PRKCH: variants seen among roughly 807,000 people sequenced by gnomAD.
PRKCH encodes protein kinase C eta type.
Under a neutral mutation model 82.5 loss-of-function variants are expected in PRKCH, and 28 were observed. That is an observed-to-expected ratio of 0.34 (90% confidence interval 0.25 to 0.47). PRKCH has a LOEUF of 0.47. PRKCH is among the 20% of genes least tolerant of loss of function. The pLI, the probability that PRKCH is intolerant of heterozygous loss-of-function variation, is 1.00. For missense variants in PRKCH, 705 were observed against 881.8 expected (o/e 0.80, Z 2.54); for synonymous variants, 322 against 327.4 (o/e 0.98, Z 0.18).
intron 1 of PRKCH, chr14:61,278,975 T>TCACACACACACACACACACACACACACA (rs71117806): frequency 1.4e-5 from 2 of 140,240 alleles, no homozygotes; most frequent in Non-Finnish European, 3.1e-5. Context: ...CCCTTTCTAA[T>TCACACACACACACACACACACACACACA]CACACACACA....
At chr14:61,343,389 C>T (rs1214503153) in intron 1 of PRKCH, among the ~76,000 whole-genome samples, 1 of 134,248 alleles carries the variant, frequency 7.4e-6, no homozygotes, top group Non-Finnish European at 1.6e-5. Context: ...AAAACAGACA[C>T]TAGACTGGAT....
chr14:61,227,746 T>G (rs76770949), intron 1 of PRKCH, among the ~76,000 whole-genome samples: 1,686 of 152,138 alleles, frequency 0.011, 42 homozygotes, highest in East Asian at 0.1. Flanking sequence ...GCAAAAACCG[T>G]GATTATTTTT....
intron 1 of PRKCH, among the ~76,000 whole-genome samples, chr14:61,387,300 C>T (rs1004155139): frequency 1.3e-5 from 2 of 152,224 alleles, no homozygotes; most frequent in African/African-American, 4.8e-5. Context: ...AGTCAGTGCT[C>T]TGATCTGCTA....
chr14:61,451,964 G>T (rs1884529432), intron 6 of PRKCH, among the ~76,000 whole-genome samples: 1 of 152,214 alleles, frequency 6.6e-6, no homozygotes, highest in South Asian at 2.1e-4. Flanking sequence ...TGGATAACTT[G>T]TAGGGCGTTG....
At chr14:61,511,727 C>T (rs936759022) in intron 10 of PRKCH, among the ~76,000 whole-genome samples, 1 of 152,232 alleles carries the variant, frequency 6.6e-6, no homozygotes, top group Non-Finnish European at 1.5e-5. Context: ...GTCATTGCTG[C>T]TTCCTGGCGC....
intron 1 of PRKCH, among the ~76,000 whole-genome samples, chr14:61,356,055 C>A (rs1032356011): frequency 1.3e-5 from 2 of 152,122 alleles, no homozygotes; most frequent in African/African-American, 4.8e-5. Context: ...ATCCAGAGAA[C>A]CGGAAGAGCA....
At chr14:61,432,927 G>GT in intron 2 of PRKCH, among the ~76,000 whole-genome samples, 1 of 148,808 alleles carries the variant, frequency 6.7e-6, no homozygotes, top group African/African-American at 2.5e-5. Context: ...AAAAAAGTGG[G>GT]GGGGATACAT....
chr14:61,392,866 A>G (rs910101543), intron 2 of PRKCH, among the ~76,000 whole-genome samples: 1 of 151,006 alleles, frequency 6.6e-6, no homozygotes, highest in Non-Finnish European at 1.5e-5. Context: ...TAAGAAGCAA[A>G]TAGTTTTAGG....
chr14:61,546,384 T>A (rs2043258071), intron 12 of PRKCH, among the ~76,000 whole-genome samples: 1 of 152,220 alleles, frequency 6.6e-6, no homozygotes, highest in African/African-American at 2.4e-5. Context: ...TTAATTCCTG[T>A]TACTAGGAGA....
chr14:61,407,200 T>A (rs1191848461), intron 2 of PRKCH, among the ~76,000 whole-genome samples: 2 of 152,210 alleles, frequency 1.3e-5, no homozygotes, highest in Non-Finnish European at 2.9e-5. Context: ...ATTTAGTTTA[T>A]CTAAATCTTA....
intron 2 of PRKCH, among the ~76,000 whole-genome samples, chr14:61,400,104 T>G (rs1881530254): frequency 6.6e-6 from 1 of 152,184 alleles, no homozygotes; most frequent in Non-Finnish European, 1.5e-5. Context: ...ATTGCCTCAG[T>G]TTTTAGCTCA....
intron 1 of PRKCH, among the ~76,000 whole-genome samples, chr14:61,302,132 T>A (rs112107631): frequency 0.02 from 3,015 of 152,342 alleles, 55 homozygotes; most frequent in Middle Eastern, 0.054. Context: ...CCAATTTATC[T>A]AAGTTGTTGA....
chr14:61,523,319 C>G (rs2042928161), intron 10 of PRKCH, among the ~76,000 whole-genome samples: 1 of 152,210 alleles, frequency 6.6e-6, no homozygotes, highest in African/African-American at 2.4e-5. Flanking sequence ...TAAAACATCC[C>G]TCTATCATAG....
intron 1 of PRKCH, among the ~76,000 whole-genome samples, chr14:61,331,705 A>G (rs2045791606): frequency 6.6e-6 from 1 of 152,108 alleles, no homozygotes; most frequent in South Asian, 2.1e-4. Context: ...GCTGCACTAA[A>G]CGGTCTCCAA....
rs59643677 is a variant in PRKCH, at chr14:61,210,813, T to TGCGCATGC, written c.-19+23148_-19+23149insCATGCGCG. Among the ~76,000 whole-genome samples the TGCGCATGC allele has an allele frequency of 2.0e-4, 30 of 151,244 alleles. No individual in the cohort carries two copies. In the South Asian group the frequency reaches 3.6e-3, roughly 18 times the overall value. Reference sequence around the variant, plus strand: ...CTCTGTGTGTGTGTGTGTGTGTGTGTGCGTGCACGCGTGCATTCCATATTG... The same window carrying TGCGCATGC: ...CTCTGTGTGTGTGTGTGTGTGTGTGTGCGCATGCGCGTGCACGCGTGCATTCCATATTG... On this transcript the variant is annotated intron_variant, in intron 1 of 3. Transcript: ENST00000555185.
intron 4 of PRKCH, among the ~76,000 whole-genome samples, chr14:61,448,686 A>G (rs933513464): frequency 2.6e-5 from 4 of 152,170 alleles, no homozygotes; most frequent in Non-Finnish European, 5.9e-5. Context: ...CAGGGAGAGA[A>G]AAGGGCATCG....
At chr14:61,354,278 A>G (rs1314693509) in intron 1 of PRKCH, among the ~76,000 whole-genome samples, 1 of 152,126 alleles carries the variant, frequency 6.6e-6, no homozygotes, top group African/African-American at 2.4e-5. Context: ...TCTAATCCTA[A>G]TATACTCATT....
At chr14:61,203,454 G>C (rs938812910) in intron 1 of PRKCH, among the ~76,000 whole-genome samples, 2 of 152,066 alleles carry the variant, frequency 1.3e-5, no homozygotes, top group African/African-American at 4.8e-5. Context: ...AGGGGCTTGG[G>C]GGGTACTCAA....
intron 1 of PRKCH, among the ~76,000 whole-genome samples, chr14:61,202,806 C>T (rs986503096): frequency 4.6e-5 from 7 of 152,064 alleles, no homozygotes; most frequent in African/African-American, 9.7e-5. Context: ...TCCCCAATTT[C>T]GCCTATTATT....
Sources: allele counts gnomAD v4.1 joint callset (sites outside exome capture counted in the v4.1 genomes callset), GRCh38; gene constraint gnomAD v4.1.1; transcripts MANE v1.5; gene names NCBI Gene and HGNC (gene_info 2026-07-23, HGNC 2026-07-21).